The following CALU variants were observed in gnomAD, a reference collection of about 807,000 sequenced individuals.
CALU encodes the protein calumenin, also known as IEF SSP 9302.
Under a neutral mutation model 37.5 loss-of-function variants are expected in CALU, and 13 were observed. That is an observed-to-expected ratio of 0.35 (90% CI 0.23 to 0.55). The LOEUF is 0.55. Ranked by LOEUF, CALU falls within the 20% of genes least tolerant of loss-of-function variation. The pLI is 0.89. For synonymous variants in CALU, 114 were observed against 133.8 expected (o/e 0.85, Z 1.02); for missense variants, 282 against 391.7 (o/e 0.72, Z 2.36).
chr7:128,755,048 G>A (rs1201412013), intron 3 of CALU, among the ~76,000 whole-genome samples: 2 of 151,056 alleles, frequency 1.3e-5, no homozygotes, highest in African/African-American at 2.4e-5. Flanking sequence ...GATAGCTCAC[G>A]CCTATAAGCA....
In CALU at chr7:128,754,255, T is replaced by C; in HGVS notation, c.222-7T>C. 1 of 1,601,520 alleles carries C rather than the reference T, an allele frequency of 6.2e-7. No homozygotes were observed. The highest frequency in any genetic ancestry group is 8.5e-7 in the Non-Finnish European group (1 of 1,173,436). On this transcript the variant is annotated splice_polypyrimidine_tract_variant and splice_region_variant and intron_variant, in intron 2 of 6. Transcript: ENST00000249364. ...CCTTTTGCTGGATTTCTCTGCATTT[T>C]CTACAGAAAGATTGTAAGTAAAATA...
chr7:128,753,314 T>C (rs373640205), intron 2 of CALU, among the ~76,000 whole-genome samples: 1 of 152,274 alleles, frequency 6.6e-6, no homozygotes, highest in East Asian at 1.9e-4. Context: ...TTCAACTTCA[T>C]ATTCCAAACT....
At chr7:128,762,235 T>A (rs1015512608) in intron 5 of CALU, among the ~76,000 whole-genome samples, 3 of 152,220 alleles carry the variant, frequency 2.0e-5, no homozygotes, top group African/African-American at 7.2e-5. Context: ...GGAATTTTTA[T>A]AACTGTTAAC....
In CALU at chr7:128,772,423, A is replaced by G. The variant is rs1377863847; in HGVS notation, c.*3256A>G. The G allele has an allele frequency of 7.8e-7, 1 of 1,280,058 alleles. No homozygotes were observed. The highest frequency in any genetic ancestry group is 1.5e-5 in the African/African-American group (1 of 67,270). 79.3% of individuals were successfully genotyped at this position (1,280,058 alleles called of 1,614,324 possible). A position where few individuals can be genotyped will look rare whatever the true frequency, so the allele number is the denominator to read the frequency against. ...AAAATTGACTCCCCAAACTGCCATC[A>G]CTCCTTTTACCATCTTTTTTGTGTT... On this transcript the variant is annotated 3_prime_UTR_variant, in exon 7 of 7. Transcript: ENST00000249364.
At chr7:128,745,357 C>T (rs578002590) in intron 1 of CALU, among the ~76,000 whole-genome samples, 34 of 152,080 alleles carry the variant, frequency 2.2e-4, no homozygotes, top group African/African-American at 7.2e-4. Flanking sequence ...TGGTGGCTTA[C>T]GACTGTAATC....
At chr7:128,739,713 T>C (rs929842546) in intron 1 of CALU, among the ~76,000 whole-genome samples, 8 of 152,162 alleles carry the variant, frequency 5.3e-5, no homozygotes, top group Admixed American at 1.3e-4. Flanking sequence ...GTTTGCTGCG[T>C]CCTGGTCCTC....
At chr7:128,763,113 T>C (rs1801186901) in intron 5 of CALU, among the ~76,000 whole-genome samples, 1 of 152,244 alleles carries the variant, frequency 6.6e-6, no homozygotes. Flanking sequence ...TCATTTCATC[T>C]GTAAACATTG....
intron 2 of CALU, among the ~76,000 whole-genome samples, chr7:128,749,545 C>T (rs1456703205): frequency 6.6e-6 from 1 of 152,182 alleles, no homozygotes; most frequent in Non-Finnish European, 1.5e-5. Flanking sequence ...ATATTCTTCT[C>T]AGTGAGCACT....
At chr7:128,754,840 T>G (rs1194812921) in intron 3 of CALU, 17 of 455,922 alleles carry the variant, frequency 3.7e-5, no homozygotes, top group Non-Finnish European at 6.2e-5. Flanking sequence ...GCTAAGCTGA[T>G]TCCCTTTATT....
chr7:128,765,425 A>T (rs566781125), intron 5 of CALU, among the ~76,000 whole-genome samples: 1 of 152,284 alleles, frequency 6.6e-6, no homozygotes, highest in South Asian at 2.1e-4. Flanking sequence ...CATGTTGTCC[A>T]GGCTGATCTC....
At chr7:128,751,609 C>T (rs1800678807) in intron 2 of CALU, among the ~76,000 whole-genome samples, 1 of 152,118 alleles carries the variant, frequency 6.6e-6, no homozygotes, top group Non-Finnish European at 1.5e-5. Flanking sequence ...TGCCTGTAGT[C>T]CCAGCTACTA....
rs1398317142 is a variant in CALU at position 128,772,202 on chromosome 7, A to G, written c.*3035A>G. 6.6e-6 allele frequency among the ~76,000 whole-genome samples: 1 copy of G among 151,298 alleles called. No homozygotes were observed. The highest frequency in any genetic ancestry group is 1.5e-5 in the Non-Finnish European group (1 of 67,904). ...AAAAAAAAAAAAGTTACTAAAAAGG[A>G]AAGTATCCATACACTGAAAACTTAA... On this transcript the variant is annotated 3_prime_UTR_variant, in exon 7 of 7. Transcript: ENST00000249364.
At chr7:128,765,572 T>C (rs1414125977) in intron 5 of CALU, among the ~76,000 whole-genome samples, 1 of 152,260 alleles carries the variant, frequency 6.6e-6, no homozygotes, top group African/African-American at 2.4e-5. Context: ...TGTATGTAAA[T>C]TGAAATATGG....
chr7:128,769,374 C>T lies in CALU; in HGVS notation c.*207C>T, dbSNP rs1801471075. On this transcript the variant is annotated 3_prime_UTR_variant, in exon 7 of 7. Transcript: ENST00000249364. ...CTGAGGAACAACTCTAATTAGTACACTTGTGTTTGTAGATTTACACTTTGT... is the reference window on the plus strand; with the variant it reads ...CTGAGGAACAACTCTAATTAGTACATTTGTGTTTGTAGATTTACACTTTGT... 4.7e-6 allele frequency: 2 copies of T among 422,942 alleles called. No homozygotes were observed. 26.2% of individuals were successfully genotyped at this position (422,942 alleles called of 1,614,324 possible).
intron 4 of CALU, 28 bp downstream of exon 4, chr7:128,759,065 G>C (rs538778360): frequency 6.4e-7 from 1 of 1,572,050 alleles, no homozygotes; most frequent in African/African-American, 1.4e-5. Context: ...TTCTGAACAG[G>C]GACTCAGTTT....
intron 5 of CALU, among the ~76,000 whole-genome samples, chr7:128,761,909 T>C (rs1473071154): frequency 6.6e-6 from 1 of 152,226 alleles, no homozygotes; most frequent in Non-Finnish European, 1.5e-5. Flanking sequence ...ATACCTGTTG[T>C]TTACATGCTA....
intron 5 of CALU, among the ~76,000 whole-genome samples, chr7:128,767,214 A>G (rs73467166): frequency 0.01 from 1,568 of 152,338 alleles, 22 homozygotes; most frequent in African/African-American, 0.032. Context: ...TTATTAAGGT[A>G]TAAGAACTCT....
intron 6 of CALU, among the ~76,000 whole-genome samples, 186 bp downstream of exon 6, chr7:128,767,841 A>C (rs1801395257): frequency 6.6e-6 from 1 of 152,274 alleles, no homozygotes; most frequent in African/African-American, 2.4e-5. Context: ...CATTTTAGAA[A>C]TCCTTTTGCC....
intron 5 of CALU, among the ~76,000 whole-genome samples, chr7:128,760,902 C>T (rs1237967387): frequency 5.3e-5 from 8 of 151,922 alleles, no homozygotes; most frequent in South Asian, 2.1e-4. Context: ...AGCGAGACTC[C>T]GTCTCAAACA....
Sources: allele counts gnomAD v4.1 joint callset (sites outside exome capture counted in the v4.1 genomes callset), GRCh38; gene constraint gnomAD v4.1.1; transcripts MANE v1.5; gene names NCBI Gene and HGNC (gene_info 2026-07-23, HGNC 2026-07-21).